The following MAP2K3 variants were observed in gnomAD, a reference collection of about 807,000 sequenced individuals.
The protein encoded by MAP2K3 is mitogen-activated protein kinase kinase 3, also known as dual specificity mitogen-activated protein kinase kinase 3.
MAP2K3 carries 30 observed loss-of-function variants against 46.4 expected under a neutral mutation model. The observed-to-expected ratio is 0.65, with a 90% CI of 0.48 to 0.88. The LOEUF is 0.88. Ranked by LOEUF, MAP2K3 falls within the 40% of genes least tolerant of loss-of-function variation. MAP2K3 has a pLI of 0.00. For synonymous variants in MAP2K3, 189 were observed against 176.3 expected, an observed-to-expected ratio of 1.07 and a Z score of -0.57; for missense variants, 380 against 464.5, an observed-to-expected ratio of 0.82 and a Z score of 1.67.
chr17:21,299,041 C>T lies in MAP2K3; in HGVS notation c.165+115C>T, dbSNP rs113632862. Reference sequence around the variant, plus strand: ...GACTGAGGGGTCAGAGAGGGTCAGGCTCTGGAGAAGAGCCTCGTCCTGCGC... The same window carrying T: ...GACTGAGGGGTCAGAGAGGGTCAGGTTCTGGAGAAGAGCCTCGTCCTGCGC... On this transcript the variant is annotated intron_variant, in intron 3 of 11. Transcript: ENST00000342679. 7.4e-6 allele frequency: 11 copies of T among 1,489,864 alleles called. No homozygotes were observed. In the African/African-American group the frequency reaches 8.3e-5, roughly 11 times the overall value. The allele number at this position is 1,489,864 out of a possible 1,614,324, so 92.3% of individuals were successfully genotyped here.
At chr17:21,288,090 C>T (rs1270443049) in intron 1 of MAP2K3, 11 of 1,289,082 alleles carry the variant, frequency 8.5e-6, no homozygotes, top group African/African-American at 7.6e-5. Flanking sequence ...AGGCTTCCGG[C>T]GGTGAGTCAG....
intron 5 of MAP2K3, among the ~76,000 whole-genome samples, chr17:21,301,346 G>A (rs906637043): frequency 9.2e-5 from 14 of 152,424 alleles, no homozygotes; most frequent in South Asian, 2.1e-4. Flanking sequence ...AGCAGGCAAC[G>A]GCCATGGAGA....
intron 1 of MAP2K3, among the ~76,000 whole-genome samples, chr17:21,296,981 C>T (rs1379138042): frequency 6.6e-6 from 1 of 152,308 alleles, no homozygotes; most frequent in Non-Finnish European, 1.5e-5. Context: ...GCAGCGGGGT[C>T]CCCGGGGTGG....
At position 21,300,832 on chromosome 17, in the gene MAP2K3, C is replaced by T. The variant is rs780434910; in HGVS notation, c.280-42C>T. Reference sequence around the variant, plus strand: ...CTCCTGTCATGAGTGTGGGTGTTGGCCTCTGCCACGGCAACCTCTGAATGG... The same window carrying T: ...CTCCTGTCATGAGTGTGGGTGTTGGTCTCTGCCACGGCAACCTCTGAATGG... On this transcript the variant is annotated intron_variant, in intron 4 of 11. Transcript: ENST00000342679. 9 of 1,613,558 alleles carry T rather than the reference C, an allele frequency of 5.6e-6. No individual in the cohort carries two copies. In the East Asian group the frequency reaches 1.8e-4, roughly 32 times the overall value.
At chr17:21,298,739 G>A in intron 2 of MAP2K3, 139 bp from the exon 3 acceptor site, 2 of 1,289,336 alleles carry the variant, frequency 1.6e-6, no homozygotes, top group South Asian at 2.5e-5. Context: ...CAGCCAGTGA[G>A]AGGAGGTGGC....
At chr17:21,307,119 C>A (rs74215932) in intron 9 of MAP2K3, among the ~76,000 whole-genome samples, 1 of 152,310 alleles carries the variant, frequency 6.6e-6, no homozygotes, top group Admixed American at 6.5e-5. Flanking sequence ...CCAGGCCCCC[C>A]TCCTCTCAGC....
Position 21,298,878 on chromosome 17 carries a change from AC to A in MAP2K3, c.124del (p.Arg42GlyfsTer24), listed in dbSNP as rs1567665648. On this transcript the variant is annotated frameshift_variant and splice_region_variant, in exon 3 of 12. Transcript: ENST00000342679. LOFTEE classifies it high-confidence loss of function. ...MSKPPAPNPT[P>X]PRNLDSRTFI... The stretch of plus-strand genomic sequence containing the variant: ...CTCACGGAGTCTTCTTTCTCCACAG[AC>A]CCCCCCGGAACCTGGACTCCCGGAC... 6.2e-7 allele frequency: 1 copy of A among 1,614,242 alleles called. No homozygotes were observed. The highest frequency in any genetic ancestry group is 8.5e-7 in the Non-Finnish European group (1 of 1,180,028).
rs1555547331 is a variant in MAP2K3, at chr17:21,291,336, T to TACACAACACAACACAAC, written c.49+6370_49+6371insCAACACAACACAACACA. The TACACAACACAACACAAC allele has an allele frequency of 1.1e-3, 57 of 52,724 alleles. No individual in the cohort carries two copies. The African/African-American group carries it at 0.015, about 14-fold the overall frequency. The allele number at this position is 52,724 out of a possible 1,614,324, so 3.3% of individuals were successfully genotyped here. On this transcript the variant is annotated intron_variant, in intron 1 of 11. Coordinates refer to ENST00000342679, the MANE Select transcript of MAP2K3 (RefSeq NM_145109.3). ...TACAATAGAATACAATAGAATACAG[T>TACACAACACAACACAAC]ACAATACAATACAACACAACACAAC...
chr17:21,297,455 TG>T (rs1216580995), intron 1 of MAP2K3, among the ~76,000 whole-genome samples: 1 of 152,312 alleles, frequency 6.6e-6, no homozygotes, highest in Non-Finnish European at 1.5e-5. Flanking sequence ...ATGTCTGTAC[TG>T]GGTGGTCTCC....
At chr17:21,295,420 C>T (rs1056181235) in intron 1 of MAP2K3, among the ~76,000 whole-genome samples, 22 of 152,428 alleles carry the variant, frequency 1.4e-4, no homozygotes, top group African/African-American at 4.8e-4. Flanking sequence ...TGCTGAGAGC[C>T]GGGACAGGCG....
At chr17:21,308,240 C>G (rs964669170) in intron 9 of MAP2K3, among the ~76,000 whole-genome samples, 4 of 152,266 alleles carry the variant, frequency 2.6e-5, no homozygotes, top group African/African-American at 9.6e-5. Flanking sequence ...CTCCGCCTCC[C>G]AGGTTCAAGC....
intron 1 of MAP2K3, 105 bp downstream of exon 1, chr17:21,285,074 G>T: frequency 6.9e-7 from 1 of 1,455,070 alleles, no homozygotes; most frequent in South Asian, 1.3e-5. Context: ...TTCTCGACCT[G>T]GCAGCGGCGT....
At position 21,300,860 on chromosome 17, in the gene MAP2K3, G is replaced by C; in HGVS notation, c.280-14G>C. ...CTGCCACGGCAACCTCTGAATGGCAGTCCTTCCCTGCAGCGGATCCGGGCC... is the reference window on the plus strand; with the variant it reads ...CTGCCACGGCAACCTCTGAATGGCACTCCTTCCCTGCAGCGGATCCGGGCC... On this transcript the variant is annotated splice_polypyrimidine_tract_variant and intron_variant, in intron 4 of 11. Coordinates refer to ENST00000342679, the MANE Select transcript of MAP2K3 (RefSeq NM_145109.3). The C allele has an allele frequency of 6.2e-7, 1 of 1,614,036 alleles. No individual in the cohort carries two copies. The highest frequency in any genetic ancestry group is 1.7e-5 in the Admixed American group (1 of 60,038).
intron 8 of MAP2K3, among the ~76,000 whole-genome samples, chr17:21,304,795 A>T (rs1034367170): frequency 1.3e-5 from 2 of 152,302 alleles, no homozygotes; most frequent in African/African-American, 4.8e-5. Context: ...TCTGCGGAGG[A>T]CACTGGTGGG....
chr17:21,296,376 C>T (rs949436536), intron 1 of MAP2K3, among the ~76,000 whole-genome samples: 1 of 152,310 alleles, frequency 6.6e-6, no homozygotes. Flanking sequence ...ATAGAAGTGG[C>T]CTCAGAAGCT....
At chr17:21,288,159 G>C in intron 1 of MAP2K3, 1 of 1,201,108 alleles carries the variant, frequency 8.3e-7, no homozygotes, top group Admixed American at 2.3e-5. Context: ...ACAGCTTAAA[G>C]GGGCGATGCC....
intron 3 of MAP2K3, among the ~76,000 whole-genome samples, chr17:21,299,551 G>A (rs1045022645): frequency 2.6e-5 from 4 of 152,298 alleles, no homozygotes; most frequent in African/African-American, 9.6e-5. Flanking sequence ...GCGTGGTGGT[G>A]CGTGCCTGTG....
intron 6 of MAP2K3, among the ~76,000 whole-genome samples, chr17:21,302,880 G>A (rs1004242137): frequency 6.6e-6 from 1 of 152,312 alleles, no homozygotes; most frequent in African/African-American, 2.4e-5. Context: ...AGATGGGACA[G>A]GGAGGCTGCC....
chr17:21,292,240 G>C (rs1597802647), intron 1 of MAP2K3, among the ~76,000 whole-genome samples: 1 of 152,310 alleles, frequency 6.6e-6, no homozygotes, highest in Non-Finnish European at 1.5e-5. Context: ...CTTCAAGCAG[G>C]CCTCTTTGTT....
Sources: allele counts gnomAD v4.1 joint callset (sites outside exome capture counted in the v4.1 genomes callset), GRCh38; gene constraint gnomAD v4.1.1; transcripts MANE v1.5; gene names NCBI Gene and HGNC (gene_info 2026-07-23, HGNC 2026-07-21).